Variants in BRINP2 observed in about 807,000 individuals in gnomAD.
BRINP2 encodes the protein BMP/retinoic acid inducible neural specific 2.
A neutral mutation model predicts 69.2 loss-of-function variants in BRINP2; 21 were observed. The observed-to-expected ratio is 0.30, with a 90% CI of 0.22 to 0.44. BRINP2 has a LOEUF of 0.44. BRINP2 is among the 20% of genes least tolerant of loss of function. The pLI, the probability that BRINP2 is intolerant of heterozygous loss-of-function variation, is 1.00. For synonymous variants in BRINP2, 380 were observed against 394.1 expected, an observed-to-expected ratio of 0.96 and a Z score of 0.42; for missense variants, 877 against 986.0, an observed-to-expected ratio of 0.89 and a Z score of 1.48.
chr1:177,192,035 G>T (rs947707913), intron 1 of BRINP2, among the ~76,000 whole-genome samples: 18 of 152,234 alleles, frequency 1.2e-4, no homozygotes, highest in African/African-American at 4.3e-4. Flanking sequence ...TTTCAAATAG[G>T]TTTAAAGGTG....
intron 1 of BRINP2, among the ~76,000 whole-genome samples, chr1:177,173,048 A>G (rs1044649921): frequency 6.6e-6 from 1 of 152,208 alleles, no homozygotes; most frequent in African/African-American, 2.4e-5. Flanking sequence ...CCCGGGGGGC[A>G]GTCTGATGAC....
intron 1 of BRINP2, among the ~76,000 whole-genome samples, chr1:177,215,597 T>C (rs988174778): frequency 3.3e-5 from 5 of 152,210 alleles, no homozygotes; most frequent in Non-Finnish European, 5.9e-5. Context: ...TTGTAGATTA[T>C]TTTGGGTTTT....
At chr1:177,238,285 G>A (rs999514225) in intron 2 of BRINP2, among the ~76,000 whole-genome samples, 5 of 152,246 alleles carry the variant, frequency 3.3e-5, no homozygotes, top group African/African-American at 1.2e-4. Context: ...TAGAAACAGT[G>A]AGTCTGCTCA....
chr1:177,185,493 TG>T (rs1218193798), intron 1 of BRINP2, among the ~76,000 whole-genome samples: 11 of 152,192 alleles, frequency 7.2e-5, no homozygotes, highest in Admixed American at 1.3e-4. Flanking sequence ...ATGAACAAAG[TG>T]CATGCGGAGT....
intron 4 of BRINP2, 91 bp from the exon 5 acceptor site, chr1:177,273,397 T>A: frequency 1.3e-6 from 1 of 783,544 alleles, no homozygotes; most frequent in South Asian, 1.9e-5. Flanking sequence ...GGACAGGATG[T>A]GGAACCTGAG....
chr1:177,270,592 GTCC>G (rs1651287920), intron 4 of BRINP2, among the ~76,000 whole-genome samples: 1 of 152,126 alleles, frequency 6.6e-6, no homozygotes, highest in Non-Finnish European at 1.5e-5. Context: ...TCTCTAGCCT[GTCC>G]TCCTCTTTGG....
chr1:177,235,620 C>T (rs1043560653), intron 2 of BRINP2, among the ~76,000 whole-genome samples: 2 of 152,160 alleles, frequency 1.3e-5, no homozygotes, highest in East Asian at 1.9e-4. Context: ...TCATCCGGAC[C>T]ACGTCTCTCT....
intron 4 of BRINP2, among the ~76,000 whole-genome samples, chr1:177,258,675 C>T (rs374145953): frequency 5.3e-5 from 8 of 152,188 alleles, no homozygotes; most frequent in Non-Finnish European, 8.8e-5. Context: ...GTGCTTACTT[C>T]GTATCTCTGA....
chr1:177,208,350 GT>G, intron 1 of BRINP2, among the ~76,000 whole-genome samples: 1 of 152,320 alleles, frequency 6.6e-6, no homozygotes. Flanking sequence ...AAAGAACAGT[GT>G]TGAGAGGCAA....
intron 4 of BRINP2, among the ~76,000 whole-genome samples, chr1:177,265,713 C>T (rs1651096386): frequency 6.6e-6 from 1 of 152,128 alleles, no homozygotes; most frequent in Non-Finnish European, 1.5e-5. Flanking sequence ...TCTGCCATTG[C>T]TCATGGTGGG....
At chr1:177,279,147 G>T (rs1651610814) in intron 7 of BRINP2, among the ~76,000 whole-genome samples, 3 of 152,276 alleles carry the variant, frequency 2.0e-5, no homozygotes, top group Middle Eastern at 6.8e-3. Context: ...ACTGGCTTGT[G>T]TCAAACAAAT....
At chr1:177,211,379 T>C (rs1649218012) in intron 1 of BRINP2, among the ~76,000 whole-genome samples, 1 of 152,200 alleles carries the variant, frequency 6.6e-6, no homozygotes, top group Admixed American at 6.5e-5. Flanking sequence ...TTTCAAGGTT[T>C]ACAGCTGACC....
Position 177,171,534 on chromosome 1 carries a change from C to A in BRINP2, c.-275C>A. The A allele has an allele frequency of 6.5e-6, 1 of 154,492 alleles. No individual in the cohort carries two copies. Among genetic ancestry groups the A allele is most frequent in the South Asian group, 1.8e-4 (1 of 5,674 alleles). The allele number at this position is 154,492 out of a possible 1,614,324, so 9.6% of individuals were successfully genotyped here. A position where few individuals can be genotyped will look rare whatever the true frequency, so the allele number is the denominator to read the frequency against. On this transcript the variant is annotated 5_prime_UTR_variant, in exon 1 of 8. Coordinates refer to ENST00000361539, the MANE Select transcript of BRINP2 (RefSeq NM_021165.4). ...GAGAATTTGAAAAGAGACATCCGCT[C>A]CCTCTCACACGCTGAGGGGGAGGCA...
intron 1 of BRINP2, among the ~76,000 whole-genome samples, chr1:177,199,148 C>T (rs1207046414): frequency 6.6e-6 from 1 of 152,130 alleles, no homozygotes; most frequent in African/African-American, 2.4e-5. Flanking sequence ...TAAGATATTT[C>T]ACCTTATTGC....
chr1:177,279,354 A>C (rs551743816), intron 7 of BRINP2, among the ~76,000 whole-genome samples: 3 of 152,370 alleles, frequency 2.0e-5, no homozygotes, highest in African/African-American at 7.2e-5. Flanking sequence ...TAACAAACAG[A>C]AACATAAAAA....
intron 4 of BRINP2, among the ~76,000 whole-genome samples, chr1:177,260,304 C>T (rs1175977946): frequency 1.1e-4 from 17 of 152,150 alleles, no homozygotes; most frequent in South Asian, 6.2e-4. Flanking sequence ...GAATAAATGA[C>T]GAGTTGCTTC....
At chr1:177,236,160 A>G (rs1650016018) in intron 2 of BRINP2, among the ~76,000 whole-genome samples, 1 of 152,238 alleles carries the variant, frequency 6.6e-6, no homozygotes, top group Admixed American at 6.5e-5. Context: ...AGAGACCAGT[A>G]CTGCCTAAAC....
intron 1 of BRINP2, among the ~76,000 whole-genome samples, chr1:177,204,042 T>C (rs1648998354): frequency 2.0e-5 from 3 of 152,136 alleles, no homozygotes; most frequent in Non-Finnish European, 4.4e-5. Context: ...AGGCACCAGA[T>C]CCCTAGCTTT....
intron 1 of BRINP2, among the ~76,000 whole-genome samples, chr1:177,191,132 A>G (rs1014709949): frequency 2.6e-5 from 4 of 152,204 alleles, no homozygotes; most frequent in Non-Finnish European, 2.9e-5. Flanking sequence ...GCACTAGTTT[A>G]CAAATCCAGG....
Sources: allele counts gnomAD v4.1 joint callset (sites outside exome capture counted in the v4.1 genomes callset), GRCh38; gene constraint gnomAD v4.1.1; transcripts MANE v1.5; gene names NCBI Gene and HGNC (gene_info 2026-07-23, HGNC 2026-07-21).